Variants in EFCAB6 observed in about 807,000 individuals in gnomAD.
The protein encoded by EFCAB6 is EF-hand calcium binding domain 6, also known as EF-hand calcium-binding domain-containing protein 6.
A neutral mutation model predicts 169.8 loss-of-function variants in EFCAB6; 156 were observed. The ratio of observed to expected loss-of-function variants is 0.92; its 90% CI spans 0.81 to 1.05. EFCAB6 has a LOEUF of 1.05. Among genes scored for constraint, EFCAB6 ranks in the 50% least tolerant of loss-of-function variants. The pLI is 0.00. For missense variants in EFCAB6, 1,800 were observed against 1,829.1 expected, an observed-to-expected ratio of 0.98 and a Z score of 0.29; for synonymous variants, 698 against 676.4, an observed-to-expected ratio of 1.03 and a Z score of -0.50.
intron 27 of EFCAB6, among the ~76,000 whole-genome samples, chr22:43,542,119 T>G (rs1407084435): frequency 6.6e-6 from 1 of 152,180 alleles, no homozygotes; most frequent in Admixed American, 6.5e-5. Context: ...GACTCGGAGC[T>G]GAGGAGGCAG....
chr22:43,715,355 T>C (rs902144808), intron 9 of EFCAB6, among the ~76,000 whole-genome samples: 11 of 152,122 alleles, frequency 7.2e-5, no homozygotes, highest in Admixed American at 2.6e-4. Context: ...TGCCTCAGTG[T>C]CCTCAGCTGG....
intron 3 of EFCAB6, among the ~76,000 whole-genome samples, chr22:43,776,211 G>A (rs1395393785): frequency 6.6e-6 from 1 of 152,204 alleles, no homozygotes; most frequent in Non-Finnish European, 1.5e-5. Context: ...CTGCATGGAG[G>A]CCACAGGGAA....
At chr22:43,565,870 T>G (rs562074882) in intron 26 of EFCAB6, among the ~76,000 whole-genome samples, 1 of 152,192 alleles carries the variant, frequency 6.6e-6, no homozygotes, top group Non-Finnish European at 1.5e-5. Context: ...AAGAATGGTG[T>G]AATTACTTCT....
chr22:43,573,867 A>C (rs1263825918), intron 26 of EFCAB6, among the ~76,000 whole-genome samples: 2 of 152,226 alleles, frequency 1.3e-5, no homozygotes, highest in Non-Finnish European at 2.9e-5. Context: ...GGACATAAAC[A>C]ACTTCTACGA....
chr22:43,675,947 CATAAT>C (rs990704965), intron 13 of EFCAB6, among the ~76,000 whole-genome samples: 4 of 151,792 alleles, frequency 2.6e-5, no homozygotes, highest in South Asian at 2.1e-4. Context: ...AGATGTCCAG[CATAAT>C]ATAAGTAAGT....
At chr22:43,665,725 C>T (rs1318727072) in intron 17 of EFCAB6, among the ~76,000 whole-genome samples, 2 of 152,234 alleles carry the variant, frequency 1.3e-5, no homozygotes, top group South Asian at 2.1e-4. Context: ...GACTGGTTAT[C>T]GGCCACCTGG....
At chr22:43,654,511 C>T (rs1029516940) in intron 17 of EFCAB6, among the ~76,000 whole-genome samples, 7 of 152,250 alleles carry the variant, frequency 4.6e-5, no homozygotes, top group Non-Finnish European at 1.0e-4. Context: ...CCCGCCTCTG[C>T]GGTCTTCCTT....
intron 10 of EFCAB6, among the ~76,000 whole-genome samples, chr22:43,690,227 C>T (rs1351755222): frequency 6.6e-6 from 1 of 151,458 alleles, no homozygotes; most frequent in Non-Finnish European, 1.5e-5. Context: ...GGGCTGGGCG[C>T]GGTGGCTCAC....
intron 17 of EFCAB6, among the ~76,000 whole-genome samples, chr22:43,643,165 G>T (rs1406326047): frequency 6.6e-6 from 1 of 152,186 alleles, no homozygotes; most frequent in Admixed American, 6.5e-5. Context: ...AGGACTGAAT[G>T]ACTTCCATCC....
chr22:43,783,059 G>A (rs1325934225), intron 2 of EFCAB6, among the ~76,000 whole-genome samples: 1 of 152,084 alleles, frequency 6.6e-6, no homozygotes, highest in Non-Finnish European at 1.5e-5. Context: ...CTCTGTCAAA[G>A]CCTCCTTACC....
Position 43,628,769 on chromosome 22 carries a change from C to T in EFCAB6, c.2233-2090G>A, listed in dbSNP as rs564468565. Among the ~76,000 whole-genome samples, 1 of 152,176 alleles carries T rather than the reference C, an allele frequency of 6.6e-6. No individual in the cohort carries two copies. Among genetic ancestry groups the T allele is most frequent in the Non-Finnish European group, 1.5e-5 (1 of 68,036 alleles). ...TGACTCCTCTGTACAATGGCACCAGCCCTGACTGGCCTCCCACGATCCTCT... is the reference window on the plus strand; with the variant it reads ...TGACTCCTCTGTACAATGGCACCAGTCCTGACTGGCCTCCCACGATCCTCT... On this transcript the variant is annotated intron_variant, in intron 19 of 31. Transcript: ENST00000262726. The surrounding 1 kb of genome is among the most constrained non-coding windows in gnomAD (Gnocchi z 4.8).
At chr22:43,684,663 A>G (rs537264069) in intron 11 of EFCAB6, among the ~76,000 whole-genome samples, 1 of 152,332 alleles carries the variant, frequency 6.6e-6, no homozygotes, top group South Asian at 2.1e-4. Context: ...CCGTTTGTGC[A>G]GAAACAATAA....
At chr22:43,667,056 C>T in intron 17 of EFCAB6, 48 bp downstream of exon 17, 1 of 1,578,592 alleles carries the variant, frequency 6.3e-7, no homozygotes, top group East Asian at 2.2e-5. Flanking sequence ...TATAAGAAAA[C>T]AGCTGAACTT....
At chr22:43,699,943 T>C (rs1023000168) in intron 10 of EFCAB6, among the ~76,000 whole-genome samples, 1 of 152,266 alleles carries the variant, frequency 6.6e-6, no homozygotes, top group Non-Finnish European at 1.5e-5. Flanking sequence ...AAGGACGATG[T>C]ATGATCTCCG....
At chr22:43,685,935 G>A (rs908652891) in intron 11 of EFCAB6, among the ~76,000 whole-genome samples, 1 of 151,736 alleles carries the variant, frequency 6.6e-6, no homozygotes, top group East Asian at 1.9e-4. Flanking sequence ...GTGTTTTTAT[G>A]TTTCTCAAAT....
intron 26 of EFCAB6, among the ~76,000 whole-genome samples, chr22:43,567,127 C>A (rs1280185831): frequency 7.5e-6 from 1 of 132,964 alleles, no homozygotes; most frequent in African/African-American, 2.8e-5. Flanking sequence ...CATCATCCTC[C>A]TCGTCCTCCT....
intron 20 of EFCAB6, among the ~76,000 whole-genome samples, chr22:43,618,910 CTTT>C (rs11302149): frequency 6.9e-6 from 1 of 145,610 alleles, no homozygotes. Flanking sequence ...TTCTCTCTCT[CTTT>C]TTTTTTTTTT....
chr22:43,684,869 G>C (rs988996694), intron 11 of EFCAB6, among the ~76,000 whole-genome samples: 1 of 152,196 alleles, frequency 6.6e-6, no homozygotes, highest in African/African-American at 2.4e-5. Context: ...ACTCACTGCA[G>C]AGTGTTGAGC....
chr22:43,540,527 G>A, intron 27 of EFCAB6, 170 bp from the exon 28 acceptor site: 1 of 1,530,342 alleles, frequency 6.5e-7, no homozygotes, highest in East Asian at 2.5e-5. Context: ...TCGCTCGGCG[G>A]AGGCCTCAGG....
Sources: allele counts gnomAD v4.1 joint callset (sites outside exome capture counted in the v4.1 genomes callset), GRCh38; gene constraint gnomAD v4.1.1; non-coding constraint Gnocchi (gnomAD v3.1); transcripts MANE v1.5; gene names NCBI Gene and HGNC (gene_info 2026-07-23, HGNC 2026-07-21).